PDE1A: variants seen among roughly 807,000 people sequenced by gnomAD.
PDE1A encodes the protein phosphodiesterase 1A, also known as dual specificity calcium/calmodulin-dependent 3',5'-cyclic nucleotide phosphodiesterase 1A.
Under a neutral mutation model 61.7 loss-of-function variants are expected in PDE1A, and 35 were observed. The observed-to-expected ratio is 0.57, with a 90% CI of 0.43 to 0.75. The LOEUF (loss-of-function observed/expected upper bound fraction) is 0.75. Among genes scored for constraint, PDE1A ranks in the 30% least tolerant of loss-of-function variants. The pLI is 0.00. For missense variants in PDE1A, 597 were observed against 630.6 expected, an observed-to-expected ratio of 0.95 and a Z score of 0.57; for synonymous variants, 232 against 213.2, an observed-to-expected ratio of 1.09 and a Z score of -0.77.
Position 182,467,637 on chromosome 2 carries a change from TA to T in PDE1A, c.101+54638del, listed in dbSNP as rs1237773227. Among the ~76,000 whole-genome samples, 5 of 151,938 alleles carry T rather than the reference TA, an allele frequency of 3.3e-5. No individual in the cohort carries two copies. In the South Asian group the frequency reaches 8.3e-4, roughly 25 times the overall value. ...ACCAATACCACTTGAAAACAGAGAC[TA>T]AAACTGTAAAAATAAATTAGCAAAT... On this transcript the variant is annotated intron_variant, in intron 2 of 14. Transcript: ENST00000410103.
chr2:182,688,624 C>T, the PDE1A span, among the ~76,000 whole-genome samples: 116 of 152,210 alleles, frequency 7.6e-4, 3 homozygotes, highest in East Asian at 0.017. Flanking sequence ...CATCAACTAA[C>T]GAGCAGAATA....
At chr2:182,298,219 G>A (rs923367970) in intron 1 of PDE1A, among the ~76,000 whole-genome samples, 1 of 152,116 alleles carries the variant, frequency 6.6e-6, no homozygotes, top group African/African-American at 2.4e-5. Flanking sequence ...AAAGGCAATG[G>A]TAATTATAGG....
the PDE1A span, among the ~76,000 whole-genome samples, chr2:182,613,170 A>G: frequency 6.6e-6 from 1 of 152,202 alleles, no homozygotes; most frequent in Non-Finnish European, 1.5e-5. Flanking sequence ...TATTTTTTAT[A>G]TTTGTCAAAT....
chr2:182,385,720 C>A (rs1399739322), intron 1 of PDE1A, among the ~76,000 whole-genome samples: 1 of 137,100 alleles, frequency 7.3e-6, no homozygotes, highest in Non-Finnish European at 1.6e-5. Context: ...CCTCTCCCTC[C>A]TCTCCCTCTC....
the PDE1A span, among the ~76,000 whole-genome samples, chr2:182,684,244 A>G: frequency 6.6e-6 from 1 of 152,118 alleles, no homozygotes; most frequent in Non-Finnish European, 1.5e-5. Flanking sequence ...CCAAAAATAA[A>G]CTGCCAAAAA....
intron 13 of PDE1A, among the ~76,000 whole-genome samples, chr2:182,161,020 G>T (rs1321987985): frequency 6.6e-6 from 1 of 152,192 alleles, no homozygotes; most frequent in Non-Finnish European, 1.5e-5. Flanking sequence ...GAGGTAAGGA[G>T]TTCAGTGACT....
At chr2:182,638,563 A>T in the PDE1A span, among the ~76,000 whole-genome samples, 3 of 152,204 alleles carry the variant, frequency 2.0e-5, no homozygotes, top group East Asian at 5.8e-4. Flanking sequence ...CAATTTAGGC[A>T]TACAAAAAGA....
intron 1 of PDE1A, among the ~76,000 whole-genome samples, chr2:182,325,865 G>A (rs1307182511): frequency 6.6e-6 from 1 of 152,220 alleles, no homozygotes; most frequent in Non-Finnish European, 1.5e-5. Flanking sequence ...ATTGCAGTGA[G>A]TTGAGATCAC....
intron 12 of PDE1A, 51 bp downstream of exon 12, chr2:182,186,417 T>C: frequency 6.3e-7 from 1 of 1,581,138 alleles, no homozygotes; most frequent in Non-Finnish European, 8.6e-7. Flanking sequence ...AAGGAAAGTG[T>C]TACTAAACAC....
chr2:182,598,570 A>AC, the PDE1A span, among the ~76,000 whole-genome samples: 1 of 151,792 alleles, frequency 6.6e-6, no homozygotes, highest in Non-Finnish European at 1.5e-5. Flanking sequence ...CTCAAAAAAA[A>AC]AAAAAACAAA....
intron 1 of PDE1A, among the ~76,000 whole-genome samples, chr2:182,310,108 A>G (rs1695866600): frequency 6.6e-6 from 1 of 152,194 alleles, no homozygotes; most frequent in Non-Finnish European, 1.5e-5. Context: ...GAAAGAAGAG[A>G]CAAAACCAGG....
At chr2:182,535,756 C>T in the PDE1A span, among the ~76,000 whole-genome samples, 2 of 152,078 alleles carry the variant, frequency 1.3e-5, no homozygotes, top group African/African-American at 4.8e-5. Flanking sequence ...TTCTCTGTTC[C>T]TCTGATTGTC....
chr2:182,370,388 A>T (rs1297813247), intron 1 of PDE1A, among the ~76,000 whole-genome samples: 1 of 152,160 alleles, frequency 6.6e-6, no homozygotes, highest in Non-Finnish European at 1.5e-5. Flanking sequence ...TGAGTGTTTG[A>T]GGAAACTTGT....
intron 2 of PDE1A, among the ~76,000 whole-genome samples, chr2:182,482,556 A>G (rs1352918730): frequency 6.6e-6 from 1 of 152,028 alleles, no homozygotes; most frequent in Non-Finnish European, 1.5e-5. Context: ...CATTGTCAGG[A>G]CAATAATTCC....
the PDE1A span, among the ~76,000 whole-genome samples, chr2:182,689,315 T>C: frequency 6.6e-6 from 1 of 151,824 alleles, no homozygotes; most frequent in African/African-American, 2.4e-5. Context: ...GAACAGAAAT[T>C]ATAACAAACT....
the PDE1A span, among the ~76,000 whole-genome samples, chr2:182,710,784 C>G: frequency 6.6e-6 from 1 of 152,106 alleles, no homozygotes; most frequent in South Asian, 2.1e-4. Context: ...GTCTTCATAC[C>G]TTGGCTCTTG....
intron 1 of PDE1A, among the ~76,000 whole-genome samples, chr2:182,391,366 A>G (rs372232512): frequency 6.6e-6 from 1 of 152,160 alleles, no homozygotes; most frequent in African/African-American, 2.4e-5. Flanking sequence ...TAACTGAAAC[A>G]TGGACCAAAG....
intron 2 of PDE1A, among the ~76,000 whole-genome samples, chr2:182,250,038 G>A (rs928569679): frequency 6.6e-6 from 1 of 152,276 alleles, no homozygotes; most frequent in South Asian, 2.1e-4. Flanking sequence ...TTTTGGTCAT[G>A]TATGTCTGGT....
chr2:182,269,545 T>C (rs981125116), intron 1 of PDE1A, among the ~76,000 whole-genome samples: 1 of 151,750 alleles, frequency 6.6e-6, no homozygotes, highest in African/African-American at 2.4e-5. Flanking sequence ...TGTAATAATA[T>C]TTTATACATA....
Sources: gnomAD v4.1 joint callset for allele counts (sites outside exome capture counted in the v4.1 genomes callset) on GRCh38, gnomAD v4.1.1 for gene constraint, MANE v1.5 for transcripts, NCBI Gene and HGNC (gene_info 2026-07-23, HGNC 2026-07-21) for gene names.